Variants in BBS4 observed in about 807,000 individuals in gnomAD.
The protein encoded by BBS4 is Bardet-Biedl syndrome 4, also known as BBSome complex member BBS4.
In BBS4, 58 loss-of-function variants were observed where a neutral mutation model predicts 71.4. That is an observed-to-expected ratio of 0.81 (90% CI 0.66 to 1.01). BBS4 has a LOEUF of 1.01. Ranked by LOEUF, BBS4 falls within the 50% of genes least tolerant of loss-of-function variation. The pLI is 0.00. For missense variants in BBS4, 660 were observed against 607.9 expected (o/e 1.09, Z -0.90); for synonymous variants, 228 against 216.8 (o/e 1.05, Z -0.46).
At chr15:72,718,183 A>G (rs1438980600) in intron 6 of BBS4, among the ~76,000 whole-genome samples, 1 of 152,144 alleles carries the variant, frequency 6.6e-6, no homozygotes, top group Non-Finnish European at 1.5e-5. Context: ...CAGGACATGT[A>G]TTCAGTCTTA....
Position 72,737,934 on chromosome 15 carries a change from C to A in BBS4, c.*347C>A. Reference sequence around the variant, plus strand: ...TTCTCTCCTAGCTGACTGACTCCTTCCTTAGTTCAAGGAACAGCTGAGACA... The same window carrying A: ...TTCTCTCCTAGCTGACTGACTCCTTACTTAGTTCAAGGAACAGCTGAGACA... On this transcript the variant is annotated 3_prime_UTR_variant, in exon 16 of 16. Transcript: ENST00000268057. 2.2e-6 allele frequency: 1 copy of A among 456,070 alleles called. No individual in the cohort carries two copies. The highest frequency in any genetic ancestry group is 4.4e-6 in the Non-Finnish European group (1 of 228,160). 28.3% of individuals were successfully genotyped at this position (456,070 alleles called of 1,614,324 possible). A position where few individuals can be genotyped will look rare whatever the true frequency, so the allele number is the denominator to read the frequency against.
At chr15:72,731,495 A>G (rs1475310084) in intron 11 of BBS4, 38 bp downstream of exon 11, 3 of 1,614,158 alleles carry the variant, frequency 1.9e-6, no homozygotes, top group Non-Finnish European at 2.5e-6. Flanking sequence ...GTATTTCTAC[A>G]TGTGGTTATT....
intron 7 of BBS4, among the ~76,000 whole-genome samples, chr15:72,724,149 A>G (rs1377304209): frequency 6.6e-6 from 1 of 152,182 alleles, no homozygotes; most frequent in Non-Finnish European, 1.5e-5. Flanking sequence ...CTGGCCCACC[A>G]TAGGGAAGGT....
intron 2 of BBS4, among the ~76,000 whole-genome samples, chr15:72,701,002 A>G (rs1391086335): frequency 6.6e-6 from 1 of 152,200 alleles, no homozygotes; most frequent in African/African-American, 2.4e-5. Context: ...ACATACATAA[A>G]TCATAATTGT....
In BBS4 at chr15:72,712,308, G is replaced by A. The variant is rs113994190; in HGVS notation, c.220+1G>A. ...TGTGAATATGCTATCTATGTCCAAG[G>A]TAAGACACATACTTCTTGTCTTCTT... On this transcript the variant is annotated splice_donor_variant, in intron 4 of 15. Coordinates refer to ENST00000268057, the MANE Select transcript of BBS4 (RefSeq NM_033028.5). LOFTEE classifies it high-confidence loss of function. 6 of 1,612,718 alleles carry A rather than the reference G, an allele frequency of 3.7e-6. No homozygotes were observed. The highest frequency in any genetic ancestry group is 1.3e-5 in the African/African-American group (1 of 74,978).
At chr15:72,692,680 C>A (rs6495014) in intron 1 of BBS4, among the ~76,000 whole-genome samples, 1 of 151,722 alleles carries the variant, frequency 6.6e-6, no homozygotes, top group Admixed American at 6.6e-5. Context: ...GCTGCAACTC[C>A]GCTTCCTGGG....
chr15:72,708,195 T>C (rs1441438865), intron 2 of BBS4, among the ~76,000 whole-genome samples: 1 of 152,160 alleles, frequency 6.6e-6, no homozygotes, highest in African/African-American at 2.4e-5. Flanking sequence ...CTCGATCTTC[T>C]GACCTCGTGA....
intron 3 of BBS4, among the ~76,000 whole-genome samples, chr15:72,710,205 T>C (rs1358027232): frequency 5.7e-5 from 8 of 141,326 alleles, no homozygotes; most frequent in East Asian, 2.0e-4. Flanking sequence ...GTTTTTTTTT[T>C]TTTTTTTTTT....
chr15:72,713,903 T>A (rs1299429974), intron 4 of BBS4, among the ~76,000 whole-genome samples: 1 of 152,218 alleles, frequency 6.6e-6, no homozygotes, highest in East Asian at 1.9e-4. Flanking sequence ...TTTTATGGAA[T>A]CTGAATATAA....
chr15:72,717,742 C>G (rs1298232872), intron 6 of BBS4, among the ~76,000 whole-genome samples: 1 of 152,182 alleles, frequency 6.6e-6, no homozygotes, highest in Admixed American at 6.5e-5. Flanking sequence ...AAGTAGATAA[C>G]TAGCAGCATC....
chr15:72,686,275 T>C (rs1252530299), intron 1 of BBS4, 24 bp downstream of exon 1: 2 of 1,561,538 alleles, frequency 1.3e-6, no homozygotes. Context: ...TTCTCTTTAG[T>C]TGCCCGGCCG....
At chr15:72,731,770 G>T in intron 12 of BBS4, 44 bp downstream of exon 12, 1 of 1,608,874 alleles carries the variant, frequency 6.2e-7, no homozygotes, top group South Asian at 1.1e-5. Flanking sequence ...CATCTGTAAT[G>T]AGGGAAAAAT....
At chr15:72,724,244 G>A (rs1319000403) in intron 7 of BBS4, among the ~76,000 whole-genome samples, 1 of 152,170 alleles carries the variant, frequency 6.6e-6, no homozygotes, top group Non-Finnish European at 1.5e-5. Flanking sequence ...GACTTATGAA[G>A]TATGAGTCAT....
intron 2 of BBS4, 88 bp downstream of exon 2, chr15:72,695,316 G>C: frequency 1.1e-6 from 1 of 913,902 alleles, no homozygotes; most frequent in Non-Finnish European, 1.7e-6. Flanking sequence ...TGGAGGCAGA[G>C]TCTCACTGTC....
chr15:72,727,242 T>A (rs1204543995), intron 8 of BBS4, among the ~76,000 whole-genome samples: 1 of 152,208 alleles, frequency 6.6e-6, no homozygotes, highest in Admixed American at 6.5e-5. Flanking sequence ...CTTTGGTGTT[T>A]TACTGTTGAA....
intron 1 of BBS4, among the ~76,000 whole-genome samples, chr15:72,691,183 T>C (rs926883493): frequency 6.6e-5 from 10 of 152,170 alleles, no homozygotes; most frequent in African/African-American, 2.4e-4. Flanking sequence ...GGTTTTGCCA[T>C]GTTGCCCAGG....
At chr15:72,736,643 A>G (rs2151056655) in intron 14 of BBS4, 119 bp from the exon 15 acceptor site, 1 of 911,336 alleles carries the variant, frequency 1.1e-6, no homozygotes. Flanking sequence ...TCCTGCCTCA[A>G]CTGCTAGTAC....
intron 1 of BBS4, among the ~76,000 whole-genome samples, chr15:72,689,515 T>C (rs2064942393): frequency 6.6e-6 from 1 of 152,170 alleles, no homozygotes; most frequent in African/African-American, 2.4e-5. Context: ...AGAGGATAAC[T>C]TGAGTCCAGA....
chr15:72,735,161 C>A lies in BBS4; in HGVS notation c.1085C>A (p.Ala362Glu). ...ATAGAAAATGCCAAGAGAGCCTACG[C>A]AGAAGCAGTCCACCTGGATAAGTAT... ...EDIENAKRAY[A>E]EAVHLDKCNP... Residue 362 changes from alanine to glutamate, a missense_variant, in exon 13 of 16, where the codon GCA becomes GAA. Ala to Glu is a moderately radical substitution (Grantham distance 107). Coordinates refer to ENST00000268057, the MANE Select transcript of BBS4 (RefSeq NM_033028.5). 1 of 1,613,666 alleles carries A rather than the reference C, an allele frequency of 6.2e-7. No individual in the cohort carries two copies. Among genetic ancestry groups the A allele is most frequent in the Non-Finnish European group, 8.5e-7 (1 of 1,179,672 alleles).
Sources: allele counts gnomAD v4.1 joint callset (sites outside exome capture counted in the v4.1 genomes callset), GRCh38; gene constraint gnomAD v4.1.1; transcripts MANE v1.5; gene names NCBI Gene and HGNC (gene_info 2026-07-23, HGNC 2026-07-21).